The following SHISA6 variants were observed in gnomAD, a reference collection of about 807,000 sequenced individuals.
The protein encoded by SHISA6 is shisa family member 6.
Under a neutral mutation model 47.9 loss-of-function variants are expected in SHISA6, and 22 were observed. The ratio of observed to expected loss-of-function variants is 0.46; its 90% CI spans 0.33 to 0.66. SHISA6 has a LOEUF of 0.66. SHISA6 is among the 30% of genes least tolerant of loss of function. The probability of loss-of-function intolerance (pLI) is 0.02; values close to 1 mark genes in which losing one functional copy is unlikely to be tolerated. For synonymous variants in SHISA6, 388 were observed against 337.8 expected (o/e 1.15, Z -1.63); for missense variants, 680 against 764.6 (o/e 0.89, Z 1.30).
intron 3 of SHISA6, among the ~76,000 whole-genome samples, chr17:11,414,880 G>A (rs1281717483): frequency 6.6e-6 from 1 of 152,102 alleles, no homozygotes; most frequent in African/African-American, 2.4e-5. Context: ...GAGGTCAGGA[G>A]TTTGAGACCA....
chr17:11,319,960 G>A (rs1430773355), intron 2 of SHISA6, among the ~76,000 whole-genome samples: 3 of 152,182 alleles, frequency 2.0e-5, no homozygotes, highest in African/African-American at 7.2e-5. Flanking sequence ...GTTCTAAAAC[G>A]TTTGAAAGGG....
intron 3 of SHISA6, among the ~76,000 whole-genome samples, chr17:11,473,934 G>A (rs1408244593): frequency 6.6e-6 from 1 of 151,790 alleles, no homozygotes; most frequent in Non-Finnish European, 1.5e-5. Flanking sequence ...ACAGGCCCCA[G>A]TGTGTGTTGT....
Position 11,318,570 on chromosome 17 carries a change from A to C in SHISA6, c.799+55044A>C, listed in dbSNP as rs116075042. On this transcript the variant is annotated intron_variant, in intron 2 of 5. Coordinates refer to ENST00000441885, the MANE Select transcript of SHISA6 (RefSeq NM_207386.4). Reference sequence around the variant, plus strand: ...GGCTTGCACTGCTATAACACCATTTACCTGTTCCTGGTTGCTCTTATCAGA... The same window carrying C: ...GGCTTGCACTGCTATAACACCATTTCCCTGTTCCTGGTTGCTCTTATCAGA... Among the ~76,000 whole-genome samples, 1,410 of 152,088 alleles carry C rather than the reference A, an allele frequency of 9.3e-3. 23 individuals carry two copies. The highest frequency in any genetic ancestry group is 0.032 in the African/African-American group (1,337 of 41,478).
chr17:11,563,359 C>T lies in SHISA6; in HGVS notation c.*5055C>T, dbSNP rs957632894. The T allele has an allele frequency of 6.6e-6, 1 of 152,198 alleles. No homozygotes were observed. The highest frequency in any genetic ancestry group is 1.5e-5 in the Non-Finnish European group (1 of 68,034). The allele number at this position is 152,198 out of a possible 1,614,324, so 9.4% of individuals were successfully genotyped here. ...AGGGGCACTCATCCCATCCTAGTAC[C>T]TTTGTAGCCCTTCGTCATGACACTA... On this transcript the variant is annotated 3_prime_UTR_variant, in exon 6 of 6. Transcript: ENST00000441885.
chr17:11,299,646 T>C (rs938053116), intron 2 of SHISA6, among the ~76,000 whole-genome samples: 1 of 152,176 alleles, frequency 6.6e-6, no homozygotes, highest in Admixed American at 6.5e-5. Flanking sequence ...TATGCATTCA[T>C]TGGCTTACGG....
At chr17:11,430,045 C>T (rs1258992376) in intron 3 of SHISA6, among the ~76,000 whole-genome samples, 3 of 152,104 alleles carry the variant, frequency 2.0e-5, no homozygotes, top group East Asian at 3.8e-4. Flanking sequence ...GATGCCCCAA[C>T]GAAGGTATTA....
intron 3 of SHISA6, among the ~76,000 whole-genome samples, chr17:11,460,315 G>A (rs1915660249): frequency 6.6e-6 from 1 of 152,126 alleles, no homozygotes; most frequent in Non-Finnish European, 1.5e-5. Context: ...TTGTAAAAAT[G>A]ATAGACCTGA....
intron 3 of SHISA6, among the ~76,000 whole-genome samples, chr17:11,509,585 C>T (rs538059216): frequency 6.6e-6 from 1 of 152,292 alleles, no homozygotes; most frequent in Admixed American, 6.5e-5. Context: ...GCCTTGACCT[C>T]CGAACCACCT....
At chr17:11,277,966 A>G (rs879562042) in intron 2 of SHISA6, among the ~76,000 whole-genome samples, 2 of 152,218 alleles carry the variant, frequency 1.3e-5, no homozygotes, top group Non-Finnish European at 2.9e-5. Flanking sequence ...CTTGTGATCA[A>G]TTAAAATATG....
chr17:11,394,998 C>CTTTTTTTT lies in SHISA6; in HGVS notation c.895+15503_895+15510dup, dbSNP rs772109588. On this transcript the variant is annotated intron_variant, in intron 3 of 5. Transcript: ENST00000441885. ...GTGGCCCTTTATTTTTTTTTCTTTT[C>CTTTTTTTT]TTTTTTTTTTTTTTTTTTTTTGAGA... 3.2e-3 allele frequency among the ~76,000 whole-genome samples: 302 copies of CTTTTTTTT among 95,090 alleles called. 2 individuals carry two copies. Among genetic ancestry groups the CTTTTTTTT allele is most frequent in the Middle Eastern group, 8.8e-3 (1 of 114 alleles). 62.4% of individuals were successfully genotyped at this position (95,090 alleles called of 152,430 possible).
chr17:11,278,246 C>T (rs918348529), intron 2 of SHISA6, among the ~76,000 whole-genome samples: 5 of 152,150 alleles, frequency 3.3e-5, no homozygotes, highest in African/African-American at 1.2e-4. Flanking sequence ...TGCTGTTTTT[C>T]CCTACTTTTG....
Position 11,241,407 on chromosome 17 carries a change from C to T in SHISA6, c.-16C>T, listed in dbSNP as rs1393115104. The T allele has an allele frequency of 1.8e-6, 2 of 1,120,798 alleles. No individual in the cohort carries two copies. The highest frequency in any genetic ancestry group is 2.2e-6 in the Non-Finnish European group (2 of 911,544). 69.4% of individuals were successfully genotyped at this position (1,120,798 alleles called of 1,614,324 possible). A position where few individuals can be genotyped will look rare whatever the true frequency, so the allele number is the denominator to read the frequency against. On this transcript the variant is annotated 5_prime_UTR_variant, in exon 1 of 6. Coordinates refer to ENST00000441885, the MANE Select transcript of SHISA6 (RefSeq NM_207386.4). This position sits in a 1 kb window ranked among gnomAD's most constrained non-coding sequence, Gnocchi z 5.5. The stretch of plus-strand genomic sequence containing the variant: ...TGCCGCGGAAGCCTCCCCGCGCCCT[C>T]CCGCCCGGCCCCGCCATGGCGCTGC...
chr17:11,257,056 A>G (rs1208414763), intron 1 of SHISA6, among the ~76,000 whole-genome samples: 1 of 152,230 alleles, frequency 6.6e-6, no homozygotes, highest in Non-Finnish European at 1.5e-5. Context: ...GAACAGCTCA[A>G]TGCAGATGCA....
At chr17:11,547,571 A>G (rs563147638) in intron 3 of SHISA6, among the ~76,000 whole-genome samples, 1 of 152,382 alleles carries the variant, frequency 6.6e-6, no homozygotes, top group East Asian at 1.9e-4. Flanking sequence ...AGAGAAATTC[A>G]TAGTTAAAGA....
At chr17:11,481,849 C>A (rs907553372) in intron 3 of SHISA6, among the ~76,000 whole-genome samples, 1 of 151,780 alleles carries the variant, frequency 6.6e-6, no homozygotes, top group Non-Finnish European at 1.5e-5. Flanking sequence ...AAGCAAATAA[C>A]AGCATGAGAA....
chr17:11,415,001 G>A (rs205017), intron 3 of SHISA6, among the ~76,000 whole-genome samples: 99,733 of 151,476 alleles, frequency 0.66, 33,061 homozygotes, highest in Admixed American at 0.7. Flanking sequence ...CAGGAGAATC[G>A]CTTGAACCTG....
Position 11,381,013 on chromosome 17 carries a change from C to T in SHISA6, c.895+1504C>T, listed in dbSNP as rs531075430. Among the ~76,000 whole-genome samples the T allele has an allele frequency of 8.5e-5, 13 of 152,274 alleles. No homozygotes were observed. The East Asian group carries it at 2.5e-3, about 29-fold the overall frequency. The stretch of plus-strand genomic sequence containing the variant: ...CAATCCTATCAGTTGCACGCCATTA[C>T]TTTTGCAATATCTTATTCTGAGTGG... On this transcript the variant is annotated intron_variant, in intron 3 of 5. Transcript: ENST00000441885.
At chr17:11,453,916 CTGTT>C (rs1288978136) in intron 3 of SHISA6, among the ~76,000 whole-genome samples, 5 of 152,170 alleles carry the variant, frequency 3.3e-5, no homozygotes, top group African/African-American at 9.7e-5. Flanking sequence ...GTACTACACT[CTGTT>C]TATCGATTTA....
rs563863881 is a variant in SHISA6 at position 11,256,942 on chromosome 17, G to A, written c.639-6424G>A. On this transcript the variant is annotated intron_variant, in intron 1 of 5. Transcript: ENST00000441885. Reference sequence around the variant, plus strand: ...TGGGATGGAGAAACTCGCTCGGCTTGCCTGAAAAACAAAACAGGCAGGCCG... The same window carrying A: ...TGGGATGGAGAAACTCGCTCGGCTTACCTGAAAAACAAAACAGGCAGGCCG... Among the ~76,000 whole-genome samples, 84 of 152,306 alleles carry A rather than the reference G, an allele frequency of 5.5e-4. 3 individuals are homozygous for A. In the South Asian group the frequency reaches 0.017, roughly 31 times the overall value.
Sources: allele counts gnomAD v4.1 joint callset (sites outside exome capture counted in the v4.1 genomes callset), GRCh38; gene constraint gnomAD v4.1.1; non-coding constraint Gnocchi (gnomAD v3.1); transcripts MANE v1.5; gene names NCBI Gene and HGNC (gene_info 2026-07-23, HGNC 2026-07-21).